Variants in GPR84 observed in about 807,000 individuals in gnomAD.
GPR84 encodes the protein G protein-coupled receptor 84.
A neutral mutation model predicts 14.9 loss-of-function variants in GPR84; 8 were observed. The ratio of observed to expected loss-of-function variants is 0.54; its 90% CI spans 0.31 to 0.97. The LOEUF (loss-of-function observed/expected upper bound fraction) is 0.97, where lower values mean the gene tolerates loss of function less well. Among genes scored for constraint, GPR84 ranks in the 50% least tolerant of loss-of-function variants. The pLI, the probability that GPR84 is intolerant of heterozygous loss-of-function variation, is 0.04. For synonymous variants in GPR84, 164 were observed against 198.1 expected (o/e 0.83, Z 1.45); for missense variants, 424 against 498.7 (o/e 0.85, Z 1.43).
chr12:54,352,439 T>C, the GPR84 span, among the ~76,000 whole-genome samples: 22 of 152,150 alleles, frequency 1.4e-4, no homozygotes, highest in African/African-American at 5.1e-4. Context: ...AAGATGGATT[T>C]AGCTGGGGGT....
the GPR84 span, chr12:54,350,772 T>C: frequency 4.1e-4 from 233 of 563,220 alleles, no homozygotes; most frequent in Non-Finnish European, 6.2e-4. Context: ...AAGCACCCTC[T>C]TTCTTTCTAG....
At position 54,363,405 on chromosome 12, in the gene GPR84, C is replaced by A; in HGVS notation, c.447G>T (p.Val149=). 6.2e-7 allele frequency: 1 copy of A among 1,614,058 alleles called. No homozygotes were observed. Among genetic ancestry groups the A allele is most frequent in the Non-Finnish European group, 8.5e-7 (1 of 1,179,956 alleles). Residue 149 remains valine, a synonymous_variant, in exon 2 of 2, where the codon GTG becomes GTT. Coordinates refer to ENST00000267015, the MANE Select transcript of GPR84 (RefSeq NM_020370.3). ...LALVSTWVVG[V]ASFAPLWPIY... is the part of the protein sequence containing the mutation. ...TAGGCCAGAGGGGAGCAAAGCTGGC[C>A]ACGCCCACAACCCAGGTGCTCACCA...
the GPR84 span, among the ~76,000 whole-genome samples, chr12:54,357,182 C>T: frequency 6.6e-5 from 10 of 152,268 alleles, no homozygotes; most frequent in East Asian, 1.9e-3. Context: ...TCTCTGTAGC[C>T]CAAGCTTTCT....
the GPR84 span, among the ~76,000 whole-genome samples, chr12:54,355,611 C>G: frequency 1.3e-5 from 2 of 152,148 alleles, no homozygotes; most frequent in East Asian, 1.9e-4. Context: ...TGCCCACCCC[C>G]CATGCCTGCC....
chr12:54,350,867 A>G, the GPR84 span: 1 of 310,468 alleles, frequency 3.2e-6, no homozygotes, highest in African/African-American at 2.1e-5. Context: ...AGATTAAAGT[A>G]GGAGAAAGAA....
At chr12:54,352,784 A>G in the GPR84 span, among the ~76,000 whole-genome samples, 1 of 152,190 alleles carries the variant, frequency 6.6e-6, no homozygotes, top group Non-Finnish European at 1.5e-5. Context: ...GCACCTGTGC[A>G]TGGGATACTC....
chr12:54,355,607 C>T, the GPR84 span, among the ~76,000 whole-genome samples: 1 of 151,894 alleles, frequency 6.6e-6, no homozygotes, highest in Non-Finnish European at 1.5e-5. Flanking sequence ...TCACTGCCCA[C>T]CCCCCATGCC....
rs1377453095 is a variant in GPR84 at position 54,363,767 on chromosome 12, C to G, written c.85G>C (p.Val29Leu). ...YRYVAVSWGV[V>L]VAVTGTVGNV... ...CCCACGGTGCCTGTCACAGCCACCACCACCCCCCAGCTAACTGCAACATAA... is the reference window on the plus strand; with the variant it reads ...CCCACGGTGCCTGTCACAGCCACCAGCACCCCCCAGCTAACTGCAACATAA... The change falls in exon 2 of 2, where the codon GTG becomes CTG. Residue 29 changes from valine (V) to leucine (L), a missense_variant. Val to Leu is a conservative substitution (Grantham distance 32). Transcript: ENST00000267015. 1 of 1,613,784 alleles carries G rather than the reference C, an allele frequency of 6.2e-7. No homozygotes were observed. The highest frequency in any genetic ancestry group is 1.7e-5 in the Admixed American group (1 of 60,008).
chr12:54,352,172 C>G, the GPR84 span, among the ~76,000 whole-genome samples: 7 of 152,176 alleles, frequency 4.6e-5, no homozygotes, highest in Admixed American at 2.0e-4. Context: ...CGCGCACCTG[C>G]GTGGGGGCTC....
downstream of GPR84, among the ~76,000 whole-genome samples, chr12:54,359,713 C>T (rs1954249978): frequency 6.6e-6 from 1 of 152,176 alleles, no homozygotes. Flanking sequence ...CAACGCACCA[C>T]GAGGGACCCA....
chr12:54,354,697 G>A, the GPR84 span, among the ~76,000 whole-genome samples: 1 of 149,956 alleles, frequency 6.7e-6, no homozygotes, highest in Non-Finnish European at 1.5e-5. Context: ...CGCCCGCCTC[G>A]GCCTCCCAGA....
downstream of GPR84, among the ~76,000 whole-genome samples, chr12:54,358,287 G>C (rs1954229585): frequency 6.6e-6 from 1 of 152,102 alleles, no homozygotes; most frequent in South Asian, 2.1e-4. Flanking sequence ...TGGGGGAGGC[G>C]CCTGACTCGT....
chr12:54,361,343 G>C (rs1449371997), downstream of GPR84, among the ~76,000 whole-genome samples: 2 of 151,568 alleles, frequency 1.3e-5, no homozygotes, highest in Non-Finnish European at 2.9e-5. The surrounding 1 kb of genome is among the most constrained non-coding windows in gnomAD (Gnocchi z 4.3). Context: ...CATCATGCCC[G>C]GTTAATTTTT....
rs1444701522 is a variant in GPR84, at chr12:54,363,299, T to C, written c.553A>G (p.Ile185Val). ...GRPYTTILMG[I>V]YFVLGLSSVG... ...CTGCTGAGCCCAAGCACAAAGTAGA[T>C]GCCCATGAGGATGGTGGTGTAAGGC... The change falls in exon 2 of 2, where the codon ATC becomes GTC. Residue 185 changes from isoleucine to valine, a missense_variant. Ile to Val is a conservative substitution (Grantham distance 29). Transcript: ENST00000267015. The C allele has an allele frequency of 6.2e-7, 1 of 1,614,040 alleles. No individual in the cohort carries two copies. Among genetic ancestry groups the C allele is most frequent in the Non-Finnish European group, 8.5e-7 (1 of 1,180,030 alleles).
chr12:54,357,566 T>C (rs947321176), downstream of GPR84, among the ~76,000 whole-genome samples: 3 of 152,130 alleles, frequency 2.0e-5, no homozygotes, highest in African/African-American at 7.2e-5. Context: ...TCAAGAAGTA[T>C]TGGCTGTTTT....
downstream of GPR84, among the ~76,000 whole-genome samples, chr12:54,361,301 C>T (rs1051470035): frequency 2.0e-5 from 3 of 152,138 alleles, no homozygotes; most frequent in Admixed American, 6.5e-5. The surrounding 1 kb of genome is among the most constrained non-coding windows in gnomAD (Gnocchi z 4.3). Context: ...CCCGTCTCAG[C>T]CTCCCGAGTA....
At chr12:54,356,870 AG>A in the GPR84 span, among the ~76,000 whole-genome samples, 1 of 152,172 alleles carries the variant, frequency 6.6e-6, no homozygotes, top group Non-Finnish European at 1.5e-5. Flanking sequence ...TTTAGTGGGA[AG>A]GGGTTGTGGA....
At chr12:54,350,704 A>C in the GPR84 span, 1 of 610,520 alleles carries the variant, frequency 1.6e-6, no homozygotes, top group Non-Finnish European at 3.0e-6. Context: ...ATTCTTTTTC[A>C]TTCTTCTTGC....
At chr12:54,353,133 G>A in the GPR84 span, among the ~76,000 whole-genome samples, 1 of 152,194 alleles carries the variant, frequency 6.6e-6, no homozygotes, top group South Asian at 2.1e-4. Flanking sequence ...AGCATGAATG[G>A]AACTTTGGTG....
Sources: allele counts gnomAD v4.1 joint callset (sites outside exome capture counted in the v4.1 genomes callset), GRCh38; gene constraint gnomAD v4.1.1; non-coding constraint Gnocchi (gnomAD v3.1); transcripts MANE v1.5; gene names NCBI Gene and HGNC (gene_info 2026-07-23, HGNC 2026-07-21).